MAN1A1: variants seen among roughly 807,000 people sequenced by gnomAD.
MAN1A1 encodes mannosidase alpha class 1A member 1, also known as mannosyl-oligosaccharide 1,2-alpha-mannosidase IA.
MAN1A1 carries 29 observed loss-of-function variants against 70.8 expected under a neutral mutation model. That is an observed-to-expected ratio of 0.41 (90% CI 0.31 to 0.56). The LOEUF is 0.56. MAN1A1 is among the 20% of genes least tolerant of loss of function. MAN1A1 has a pLI of 0.29. For synonymous variants in MAN1A1, 349 were observed against 330.1 expected (o/e 1.06, Z -0.62); for missense variants, 747 against 841.3 (o/e 0.89, Z 1.39).
intron 2 of MAN1A1, among the ~76,000 whole-genome samples, chr6:119,317,902 A>T (rs1772898550): frequency 1.3e-5 from 2 of 152,104 alleles, no homozygotes; most frequent in East Asian, 1.9e-4. Context: ...AACAAAAAAA[A>T]CCTTCTGAAG....
chr6:119,256,274 C>A (rs1775455429), intron 5 of MAN1A1, among the ~76,000 whole-genome samples: 1 of 152,050 alleles, frequency 6.6e-6, no homozygotes, highest in African/African-American at 2.4e-5. Context: ...AGTGAATAGG[C>A]ACTTTAGATT....
rs1321247936 is a variant in MAN1A1 at position 119,323,027 on chromosome 6, ATC to A, written c.604-16037_604-16036del. On this transcript the variant is annotated intron_variant, in intron 2 of 12. Coordinates refer to ENST00000368468, the MANE Select transcript of MAN1A1 (RefSeq NM_005907.4). The stretch of plus-strand genomic sequence containing the variant: ...AAGGTGCCAATTATATTTAAGGCTG[ATC>A]TCTCTTAATTACAAAGTCTGTGAAG... Among the ~76,000 whole-genome samples the A allele has an allele frequency of 6.6e-5, 10 of 152,332 alleles. No individual in the cohort carries two copies. In the East Asian group the frequency reaches 1.2e-3, roughly 18 times the overall value.
At chr6:119,306,844 A>G in intron 3 of MAN1A1, 52 bp downstream of exon 3, 1 of 1,295,032 alleles carries the variant, frequency 7.7e-7, no homozygotes, top group Non-Finnish European at 1.1e-6. Context: ...CATAAGCTCA[A>G]GCAATTGGGG....
chr6:119,189,899 A>G lies in MAN1A1; in HGVS notation c.1327-16T>C, dbSNP rs777069811. On this transcript the variant is annotated splice_polypyrimidine_tract_variant and intron_variant, in intron 9 of 12. Transcript: ENST00000368468. Reference sequence around the variant, plus strand: ...TCTCGATAGCCTGTGAAAAACACTTATTTTTTAACATTTTGTAATCTCTTC... The same window carrying G: ...TCTCGATAGCCTGTGAAAAACACTTGTTTTTTAACATTTTGTAATCTCTTC... 1.3e-6 allele frequency: 2 copies of G among 1,577,496 alleles called. No homozygotes were observed. The highest frequency in any genetic ancestry group is 1.7e-6 in the Non-Finnish European group (2 of 1,149,004).
chr6:119,204,730 G>A, intron 7 of MAN1A1, 29 bp downstream of exon 7: 1 of 1,611,782 alleles, frequency 6.2e-7, no homozygotes, highest in South Asian at 1.1e-5. Context: ...GTGTTGCTTT[G>A]CAGGCCAAGG....
chr6:119,318,163 A>G (rs895330784), intron 2 of MAN1A1, among the ~76,000 whole-genome samples: 3 of 152,226 alleles, frequency 2.0e-5, no homozygotes, highest in East Asian at 1.9e-4. Context: ...CTTAAAATCC[A>G]TAATTGGTGT....
intron 5 of MAN1A1, among the ~76,000 whole-genome samples, chr6:119,284,443 G>A (rs1776306436): frequency 6.6e-6 from 1 of 152,142 alleles, no homozygotes; most frequent in Admixed American, 6.5e-5. Flanking sequence ...TGCTCTCAAG[G>A]TCTTTCCCAG....
chr6:119,234,898 C>G (rs1174336465), intron 6 of MAN1A1, among the ~76,000 whole-genome samples: 1 of 152,140 alleles, frequency 6.6e-6, no homozygotes, highest in Non-Finnish European at 1.5e-5. Flanking sequence ...CACGTTGTGT[C>G]TCTGTCAAGT....
chr6:119,281,516 C>T (rs150323340), intron 5 of MAN1A1, among the ~76,000 whole-genome samples: 19 of 152,254 alleles, frequency 1.2e-4, no homozygotes, highest in Middle Eastern at 3.4e-3. Flanking sequence ...TCTCTTTTGC[C>T]ACCACTCCCT....
chr6:119,293,161 G>A (rs1772097468), intron 4 of MAN1A1, among the ~76,000 whole-genome samples: 1 of 151,868 alleles, frequency 6.6e-6, no homozygotes, highest in Non-Finnish European at 1.5e-5. Context: ...TGAAAATTTT[G>A]GATAATCAAG....
chr6:119,292,912 T>C (rs1479501832), intron 4 of MAN1A1, among the ~76,000 whole-genome samples: 1 of 152,096 alleles, frequency 6.6e-6, no homozygotes, highest in Non-Finnish European at 1.5e-5. Context: ...AGCTAACCCA[T>C]GTATTTAGTT....
chr6:119,350,230 G>C (rs1272900047), upstream of MAN1A1, among the ~76,000 whole-genome samples: 2 of 152,192 alleles, frequency 1.3e-5, no homozygotes, highest in East Asian at 1.9e-4. Context: ...CTGGCAGGGG[G>C]TCCTGGGCGC....
chr6:119,331,133 C>T (rs1438479214), intron 2 of MAN1A1, among the ~76,000 whole-genome samples: 1 of 152,044 alleles, frequency 6.6e-6, no homozygotes, highest in African/African-American at 2.4e-5. Flanking sequence ...ATAACTGTAT[C>T]GCCCCATTTG....
intron 9 of MAN1A1, 97 bp downstream of exon 9, chr6:119,193,680 T>A: frequency 1.5e-6 from 1 of 662,660 alleles, no homozygotes; most frequent in Non-Finnish European, 2.5e-6. Context: ...ACTTTGTAAC[T>A]CACTCATGTA....
intron 6 of MAN1A1, among the ~76,000 whole-genome samples, chr6:119,223,445 G>A (rs1005654788): frequency 5.3e-5 from 8 of 152,108 alleles, no homozygotes; most frequent in Non-Finnish European, 1.2e-4. Context: ...AGGTGGCACT[G>A]AAAACTGGCA....
At chr6:119,237,512 T>TAG (rs1554207166) in intron 6 of MAN1A1, among the ~76,000 whole-genome samples, 1 of 152,144 alleles carries the variant, frequency 6.6e-6, no homozygotes, top group Non-Finnish European at 1.5e-5. Context: ...CCTCCTTTTT[T>TAG]GCTTTTTGGT....
At chr6:119,238,497 G>A (rs765062549) in intron 6 of MAN1A1, among the ~76,000 whole-genome samples, 5 of 152,072 alleles carry the variant, frequency 3.3e-5, no homozygotes, top group Non-Finnish European at 7.4e-5. Context: ...TACTTTGGGG[G>A]GTTAGAATAG....
At chr6:119,249,317 G>C (rs1775255387) in intron 5 of MAN1A1, among the ~76,000 whole-genome samples, 1 of 152,206 alleles carries the variant, frequency 6.6e-6, no homozygotes, top group Non-Finnish European at 1.5e-5. Flanking sequence ...ATTCTGGTTA[G>C]AATGGAAAAA....
intron 6 of MAN1A1, among the ~76,000 whole-genome samples, chr6:119,223,727 A>G (rs1774428608): frequency 6.6e-6 from 1 of 152,160 alleles, no homozygotes; most frequent in Non-Finnish European, 1.5e-5. Context: ...AGGTCAGAGA[A>G]TGCTTAATGA....
Sources: allele counts gnomAD v4.1 joint callset (sites outside exome capture counted in the v4.1 genomes callset), GRCh38; gene constraint gnomAD v4.1.1; transcripts MANE v1.5; gene names NCBI Gene and HGNC (gene_info 2026-07-23, HGNC 2026-07-21).